Variants in AFF4 observed in about 807,000 individuals in gnomAD.
AFF4 encodes the protein ALF transcription elongation factor 4.
A neutral mutation model predicts 124.8 loss-of-function variants in AFF4; 13 were observed. That is an observed-to-expected ratio of 0.10 (90% CI 0.07 to 0.17). AFF4 has a LOEUF of 0.17. Ranked by LOEUF, AFF4 falls within the 10% of genes least tolerant of loss-of-function variation. The pLI is 1.00. For missense variants in AFF4, 1,092 were observed against 1,403.8 expected (o/e 0.78, Z 3.55); for synonymous variants, 477 against 496.1 (o/e 0.96, Z 0.51).
chr5:132,886,871 C>CGAA (rs1760132343), intron 17 of AFF4, among the ~76,000 whole-genome samples: 3 of 152,218 alleles, frequency 2.0e-5, no homozygotes, highest in Non-Finnish European at 4.4e-5. Context: ...TTGAAAGTTT[C>CGAA]CCATTCCTTT....
At chr5:132,916,511 C>T (rs904811963) in intron 5 of AFF4, among the ~76,000 whole-genome samples, 1 of 152,054 alleles carries the variant, frequency 6.6e-6, no homozygotes. Flanking sequence ...ACTGCTTGTA[C>T]ATCTTCCTAT....
At position 132,879,480 on chromosome 5, in the gene AFF4, TG is replaced by T; in HGVS notation, c.*1578del. The T allele has an allele frequency of 4.9e-6, 1 of 202,586 alleles. No individual in the cohort carries two copies. The highest frequency in any genetic ancestry group is 2.3e-5 in the African/African-American group (1 of 43,802). 12.5% of individuals were successfully genotyped at this position (202,586 alleles called of 1,614,324 possible). On this transcript the variant is annotated 3_prime_UTR_variant, in exon 21 of 21. Transcript: ENST00000265343. Reference sequence around the variant, plus strand: ...TCATGTACCAAAGCAATAGCTTTTCTGAAAGAACTAATCTTTATATGACCCT... The same window carrying T: ...TCATGTACCAAAGCAATAGCTTTTCTAAAGAACTAATCTTTATATGACCCT...
At chr5:132,894,362 C>T (rs1760335618) in intron 11 of AFF4, among the ~76,000 whole-genome samples, 1 of 152,192 alleles carries the variant, frequency 6.6e-6, no homozygotes, top group Admixed American at 6.5e-5. Context: ...TTGATCATAG[C>T]ACAGCCTAGT....
chr5:132,948,983 A>G (rs1185718564), intron 1 of AFF4, among the ~76,000 whole-genome samples: 3 of 152,064 alleles, frequency 2.0e-5, no homozygotes, highest in African/African-American at 7.2e-5. Flanking sequence ...CTCTTCCAAG[A>G]CAGAAGATGC....
At position 132,876,282 on chromosome 5, in the gene AFF4, C is replaced by A; in HGVS notation, c.*4777G>T. 4.5e-6 allele frequency: 1 copy of A among 221,324 alleles called. No homozygotes were observed. Among genetic ancestry groups the A allele is most frequent in the South Asian group, 1.8e-4 (1 of 5,438 alleles). The allele number at this position is 221,324 out of a possible 1,614,324, so 13.7% of individuals were successfully genotyped here. A position where few individuals can be genotyped will look rare whatever the true frequency, so the allele number is the denominator to read the frequency against. ...TGTGCATAAAGTTGTAAAATGGGGA[C>A]ACTTCTGGAACACCAACAACAAACT... On this transcript the variant is annotated 3_prime_UTR_variant, in exon 21 of 21. Coordinates refer to ENST00000265343, the MANE Select transcript of AFF4 (RefSeq NM_014423.4).
chr5:132,909,797 T>C (rs1760752745), intron 5 of AFF4, among the ~76,000 whole-genome samples: 1 of 152,234 alleles, frequency 6.6e-6, no homozygotes, highest in African/African-American at 2.4e-5. Flanking sequence ...AACTGCACTT[T>C]TGCCATTACT....
intron 2 of AFF4, among the ~76,000 whole-genome samples, chr5:132,936,673 G>A (rs539926399): frequency 1.3e-5 from 2 of 152,262 alleles, no homozygotes; most frequent in East Asian, 1.9e-4. Flanking sequence ...AGTACCCGCC[G>A]ATGGTTAGTA....
In AFF4 at chr5:132,879,212, A is replaced by AG. The variant is rs1316920956; in HGVS notation, c.*1846dup. 1.4e-5 allele frequency: 3 copies of AG among 220,294 alleles called. No homozygotes were observed. The highest frequency in any genetic ancestry group is 5.8e-5 in the Admixed American group (1 of 17,310). 13.6% of individuals were successfully genotyped at this position (220,294 alleles called of 1,614,324 possible). A position where few individuals can be genotyped will look rare whatever the true frequency, so the allele number is the denominator to read the frequency against. On this transcript the variant is annotated 3_prime_UTR_variant, in exon 21 of 21. Coordinates refer to ENST00000265343, the MANE Select transcript of AFF4 (RefSeq NM_014423.4). ...AGAAGCTCTATAAATATGAGGCCAC[A>AG]GGGACAATGAAAGTTCACTAACTTC...
At chr5:132,905,859 A>G (rs1380435883) in intron 5 of AFF4, among the ~76,000 whole-genome samples, 1 of 152,236 alleles carries the variant, frequency 6.6e-6, no homozygotes, top group Non-Finnish European at 1.5e-5. Flanking sequence ...ACAGAATAGG[A>G]GAAAATATTT....
chr5:132,896,622 C>T lies in AFF4; in HGVS notation c.2008G>A (p.Glu670Lys), dbSNP rs1337466139. 7 of 1,614,042 alleles carry T rather than the reference C, an allele frequency of 4.3e-6. No individual in the cohort carries two copies. The highest frequency in any genetic ancestry group is 2.2e-5 in the East Asian group (1 of 44,882). Residue 670 changes from glutamate (E) to lysine (K), a missense_variant, in exon 11 of 21, where the codon GAG becomes AAG. This residue lies in a region of AFF4 where 174 missense variants were observed against 205.9 expected (regional missense o/e 0.84). Coordinates refer to ENST00000265343, the MANE Select transcript of AFF4 (RefSeq NM_014423.4). Reference sequence around the variant, plus strand: ...GGTTTAACAGGAGTCCTATTGCTCTCGGGGTACTTAGGAGTTTGTGAGGAA... The same window carrying T: ...GGTTTAACAGGAGTCCTATTGCTCTTGGGGTACTTAGGAGTTTGTGAGGAA... ...PPSSQTPKYP[E>K]SNRTPVKPSS...
intron 1 of AFF4, among the ~76,000 whole-genome samples, chr5:132,962,887 T>A (rs1043971964): frequency 2.0e-5 from 3 of 149,994 alleles, no homozygotes; most frequent in African/African-American, 4.9e-5. Flanking sequence ...AGCTGGGTAA[T>A]GTTAGCCAGA....
At chr5:132,943,433 T>G (rs1761620910) in intron 1 of AFF4, 1 of 179,566 alleles carries the variant, frequency 5.6e-6, no homozygotes, top group Non-Finnish European at 1.3e-5. Flanking sequence ...AATGCCAGTA[T>G]AAACACCCTG....
Position 132,878,124 on chromosome 5 carries a change from A to G in AFF4, c.*2935T>C. ...AGAAAAAGGTGGCACTGAGGCAAGG[A>G]ATGGGCTGGATGCTCTCTAGCCAGA... is the stretch of plus-strand genomic sequence containing the variant. On this transcript the variant is annotated 3_prime_UTR_variant, in exon 21 of 21. Coordinates refer to ENST00000265343, the MANE Select transcript of AFF4 (RefSeq NM_014423.4). The G allele has an allele frequency of 4.4e-6, 1 of 227,716 alleles. No homozygotes were observed. Among genetic ancestry groups the G allele is most frequent in the Non-Finnish European group, 8.7e-6 (1 of 114,608 alleles). The allele number at this position is 227,716 out of a possible 1,614,324, so 14.1% of individuals were successfully genotyped here.
At chr5:132,882,724 G>A (rs542539121) in intron 20 of AFF4, among the ~76,000 whole-genome samples, 55 of 151,460 alleles carry the variant, frequency 3.6e-4, no homozygotes, top group Middle Eastern at 3.4e-3. Flanking sequence ...GCATGGTGGC[G>A]GGCACCTGTA....
chr5:132,926,868 G>A (rs187898246), intron 5 of AFF4: 89 of 356,912 alleles, frequency 2.5e-4, no homozygotes, highest in South Asian at 4.8e-4. Flanking sequence ...CTGTATTAAT[G>A]TCTTTTAAAT....
intron 5 of AFF4, among the ~76,000 whole-genome samples, chr5:132,912,408 T>G (rs1213878781): frequency 1.3e-5 from 2 of 152,052 alleles, no homozygotes; most frequent in African/African-American, 4.8e-5. Flanking sequence ...CCACCCAGAC[T>G]GGAGTGCAGT....
chr5:132,934,898 A>G lies in AFF4; in HGVS notation c.167T>C (p.Leu56Pro), dbSNP rs1354152555. Residue 56 changes from leucine (L) to proline (P), a missense_variant, in exon 3 of 21, where the codon CTT (leucine) becomes CCT (proline). By Grantham distance (98) the Leu-to-Pro change is moderately conservative (BLOSUM62 -3). Coordinates refer to ENST00000265343, the MANE Select transcript of AFF4 (RefSeq NM_014423.4). ...ATCCTTCATTTCATCGTAGTTTCCA[A>G]GCATACTCTGAATACGACTTGATAA... ...DKLSSRIQSM[L>P]GNYDEMKDFI... The G allele has an allele frequency of 6.2e-7, 1 of 1,612,900 alleles. No individual in the cohort carries two copies. Among genetic ancestry groups the G allele is most frequent in the Non-Finnish European group, 8.5e-7 (1 of 1,179,650 alleles).
chr5:132,915,439 A>G (rs191951268), intron 5 of AFF4, among the ~76,000 whole-genome samples: 18 of 152,252 alleles, frequency 1.2e-4, no homozygotes, highest in Admixed American at 8.5e-4. Context: ...TAAGGCCATC[A>G]TTACTCAGAT....
At chr5:132,886,928 T>A (rs1760133891) in intron 17 of AFF4, among the ~76,000 whole-genome samples, 1 of 152,164 alleles carries the variant, frequency 6.6e-6, no homozygotes, top group African/African-American at 2.4e-5. Flanking sequence ...ATAGAGTAGG[T>A]CTCCCTACCC....
Sources: allele counts gnomAD v4.1 joint callset (sites outside exome capture counted in the v4.1 genomes callset), GRCh38; gene constraint gnomAD v4.1.1; regional missense constraint gnomAD v4.1.1; transcripts MANE v1.5; gene names NCBI Gene and HGNC (gene_info 2026-07-23, HGNC 2026-07-21).